CACNA1C: variants seen among roughly 807,000 people sequenced by gnomAD.
The protein encoded by CACNA1C is calcium voltage-gated channel subunit alpha1 C.
Under a neutral mutation model 229.0 loss-of-function variants are expected in CACNA1C, and 30 were observed. That is an observed-to-expected ratio of 0.13 (90% CI 0.10 to 0.18). The LOEUF is 0.18. Ranked by LOEUF, CACNA1C falls within the 10% of genes least tolerant of loss-of-function variation. CACNA1C has a pLI of 1.00. For synonymous variants in CACNA1C, 1,114 were observed against 1,132.5 expected (o/e 0.98, Z 0.33); for missense variants, 1,658 against 2,845.0 (o/e 0.58, Z 9.49).
At chr12:2,102,369 G>A (rs1435592704) in intron 1 of CACNA1C, among the ~76,000 whole-genome samples, 1 of 152,124 alleles carries the variant, frequency 6.6e-6, no homozygotes, top group Non-Finnish European at 1.5e-5. Context: ...GAAAATAAGA[G>A]AAGGACCCAA....
intron 3 of CACNA1C, among the ~76,000 whole-genome samples, chr12:2,230,441 C>T (rs1235114912): frequency 2.0e-5 from 3 of 152,232 alleles, no homozygotes; most frequent in Non-Finnish European, 4.4e-5. Context: ...GCGAGGAACT[C>T]TCAGTGCGAC....
Position 2,595,292 on chromosome 12 carries a change from C to A in CACNA1C, c.2664-582C>A, listed in dbSNP as rs935214353. On this transcript the variant is annotated intron_variant, in intron 19 of 46. Transcript: ENST00000399655. This position sits in a 1 kb window ranked among gnomAD's most constrained non-coding sequence, Gnocchi z 4.1. ...TGAAGATGATGACACCCATCCCTTC[C>A]TTCCTACATTGCTGTCAAGATGAGA... 6.6e-6 allele frequency among the ~76,000 whole-genome samples: 1 copy of A among 152,144 alleles called. No homozygotes were observed. The highest frequency in any genetic ancestry group is 2.4e-5 in the African/African-American group (1 of 41,430).
rs966386171 is a variant in CACNA1C, at chr12:2,475,880, T to G, written c.758-10224T>G. On this transcript the variant is annotated intron_variant, in intron 5 of 46. Coordinates refer to ENST00000399655, the MANE Select transcript of CACNA1C (RefSeq NM_000719.7). ...AGGAGGGGTGAGTGGGGCTGCTGTA[T>G]AGCTGGTGGGGTTTTATTTCTTGGT... Among the ~76,000 whole-genome samples the G allele has an allele frequency of 2.0e-5, 3 of 152,208 alleles. 1 individual carries two copies. Among genetic ancestry groups the G allele is most frequent in the Non-Finnish European group, 2.9e-5 (2 of 68,038 alleles).
At position 2,353,718 on chromosome 12, in the gene CACNA1C, A is replaced by G. The variant is rs539771303; in HGVS notation, c.478-95258A>G. ...CATGACCCGTGCCTCAATCTAGAGG[A>G]GATTTGAAGGGGAGGCTGTCTGGGG... On this transcript the variant is annotated intron_variant, in intron 3 of 46. Transcript: ENST00000399655. Among the ~76,000 whole-genome samples, 8 of 152,032 alleles carry G rather than the reference A, an allele frequency of 5.3e-5. No individual in the cohort carries two copies. The South Asian group carries it at 1.7e-3, about 32-fold the overall frequency.
intron 1 of CACNA1C, among the ~76,000 whole-genome samples, chr12:2,095,272 C>T (rs548104974): frequency 8.5e-5 from 13 of 152,328 alleles, no homozygotes; most frequent in African/African-American, 2.6e-4. Context: ...GAAGCAGGTC[C>T]AATTTGTCTT....
intron 3 of CACNA1C, among the ~76,000 whole-genome samples, chr12:2,325,876 GA>G (rs776506033): frequency 3.4e-4 from 52 of 152,344 alleles, no homozygotes; most frequent in Non-Finnish European, 6.8e-4. Flanking sequence ...GAGGGGGACT[GA>G]AATAGGACTT....
At chr12:2,401,015 C>A (rs2098669570) in intron 3 of CACNA1C, among the ~76,000 whole-genome samples, 1 of 152,144 alleles carries the variant, frequency 6.6e-6, no homozygotes, top group South Asian at 2.1e-4. Context: ...TGCCCTCAGA[C>A]CCCCTCCCCA....
chr12:2,310,342 T>TA (rs1262171750), intron 3 of CACNA1C, among the ~76,000 whole-genome samples: 1,677 of 144,236 alleles, frequency 0.012, 15 homozygotes, highest in Non-Finnish European at 0.013. Context: ...GCCTCCCAGT[T>TA]AAAAAAAAAA....
In CACNA1C at chr12:2,665,507, G is replaced by C. The variant is rs2096041464; in HGVS notation, c.4399-74G>C. On this transcript the variant is annotated intron_variant, in intron 35 of 46. Transcript: ENST00000399655. This position sits in a 1 kb window ranked among gnomAD's most constrained non-coding sequence, Gnocchi z 5.9. Reference sequence around the variant, plus strand: ...TGGCTTCTGCCATCAGTAGGCCCCAGCTGGCAAGGGGGTTCCAGAGGCAGG... The same window carrying C: ...TGGCTTCTGCCATCAGTAGGCCCCACCTGGCAAGGGGGTTCCAGAGGCAGG... 1 of 1,561,802 alleles carries C rather than the reference G, an allele frequency of 6.4e-7. No individual in the cohort carries two copies. Among genetic ancestry groups the C allele is most frequent in the East Asian group, 2.3e-5 (1 of 43,610 alleles).
At chr12:2,057,704 A>G (rs1322987576) in intron 1 of CACNA1C, among the ~76,000 whole-genome samples, 1 of 152,212 alleles carries the variant, frequency 6.6e-6, no homozygotes, top group African/African-American at 2.4e-5. Flanking sequence ...CTTCCAGCAC[A>G]GACAGCATCC....
At chr12:2,338,230 G>A (rs149685900) in intron 3 of CACNA1C, among the ~76,000 whole-genome samples, 1,559 of 152,212 alleles carry the variant, frequency 0.01, 10 homozygotes, top group Non-Finnish European at 0.017. Flanking sequence ...TCTGGCAAGG[G>A]GCTAATTAGC....
chr12:2,667,284 A>G (rs116146029), intron 37 of CACNA1C, among the ~76,000 whole-genome samples: 9,596 of 123,114 alleles, frequency 0.078, 374 homozygotes, highest in African/African-American at 0.16. Flanking sequence ...TGGCCACTCC[A>G]CGCTCCTTTT....
intron 3 of CACNA1C, among the ~76,000 whole-genome samples, chr12:2,174,029 C>T (rs2239015): frequency 0.38 from 57,597 of 151,718 alleles, 11,497 homozygotes; most frequent in East Asian, 0.72. Context: ...TTTAATACTT[C>T]CCACACAAGT....
intron 3 of CACNA1C, among the ~76,000 whole-genome samples, chr12:2,318,105 G>A (rs866540317): frequency 1.9e-4 from 29 of 151,972 alleles, no homozygotes; most frequent in African/African-American, 5.6e-4. Flanking sequence ...TGGTCTGACC[G>A]GCCCAGGGTT....
intron 3 of CACNA1C, among the ~76,000 whole-genome samples, chr12:2,196,226 T>G (rs539187720): frequency 3.3e-5 from 5 of 152,338 alleles, no homozygotes. Context: ...TCTGTTGGTT[T>G]AGGAAGCTCC....
At chr12:2,384,820 A>G (rs1008723415) in intron 3 of CACNA1C, among the ~76,000 whole-genome samples, 7 of 152,208 alleles carry the variant, frequency 4.6e-5, no homozygotes, top group African/African-American at 1.7e-4. Flanking sequence ...TTCCTTTGCA[A>G]TTTGAGCAAA....
chr12:2,341,938 C>T (rs759771550), intron 3 of CACNA1C, among the ~76,000 whole-genome samples: 1 of 152,224 alleles, frequency 6.6e-6, no homozygotes, highest in Non-Finnish European at 1.5e-5. Context: ...TTAAGGCCCA[C>T]TGATAGCCTC....
At chr12:2,606,253 A>G (rs2153429343) in intron 24 of CACNA1C, among the ~76,000 whole-genome samples, 1 of 151,694 alleles carries the variant, frequency 6.6e-6, no homozygotes, top group Admixed American at 6.5e-5. Context: ...TCACCCTTTT[A>G]GTTCTGCTAT....
chr12:2,521,409 G>C (rs2154580577), intron 9 of CACNA1C, among the ~76,000 whole-genome samples: 1 of 152,298 alleles, frequency 6.6e-6, no homozygotes, highest in East Asian at 1.9e-4. Context: ...CAGCCACCCT[G>C]CAGGGGCAGA....
Sources: allele counts gnomAD v4.1 joint callset (sites outside exome capture counted in the v4.1 genomes callset), GRCh38; gene constraint gnomAD v4.1.1; non-coding constraint Gnocchi (gnomAD v3.1); transcripts MANE v1.5; gene names NCBI Gene and HGNC (gene_info 2026-07-23, HGNC 2026-07-21).